KCNQ3: variants seen among roughly 807,000 people sequenced by gnomAD.
KCNQ3 encodes the protein potassium voltage-gated channel subfamily KQT member 3.
In KCNQ3, 30 loss-of-function variants were observed where a neutral mutation model predicts 92.5. The observed-to-expected ratio is 0.32, with a 90% CI of 0.24 to 0.44. KCNQ3 has a LOEUF of 0.44. Ranked by LOEUF, KCNQ3 falls within the 20% of genes least tolerant of loss-of-function variation. KCNQ3 has a pLI of 1.00. For synonymous variants in KCNQ3, 450 were observed against 468.8 expected (o/e 0.96, Z 0.52); for missense variants, 913 against 1,140.3 (o/e 0.80, Z 2.87).
intron 1 of KCNQ3, among the ~76,000 whole-genome samples, chr8:132,225,062 C>A (rs951874091): frequency 2.0e-5 from 3 of 152,260 alleles, no homozygotes; most frequent in East Asian, 1.9e-4. Context: ...ATAGACCCAC[C>A]AGTTTGTCCC....
intron 1 of KCNQ3, among the ~76,000 whole-genome samples, chr8:132,218,061 A>G (rs1180495763): frequency 2.6e-5 from 4 of 152,178 alleles, no homozygotes; most frequent in African/African-American, 9.7e-5. Context: ...TTGCAAAATG[A>G]GCTTTATCCC....
chr8:132,439,977 C>T (rs1408920914), intron 1 of KCNQ3, among the ~76,000 whole-genome samples: 1 of 152,208 alleles, frequency 6.6e-6, no homozygotes, highest in Admixed American at 6.5e-5. Context: ...ATCCCAGATG[C>T]TCAATCCTTA....
chr8:132,131,300 A>G (rs1299601890), intron 14 of KCNQ3, among the ~76,000 whole-genome samples: 1 of 152,236 alleles, frequency 6.6e-6, no homozygotes. Context: ...AAAAACTGGC[A>G]GTACCATTTA....
intron 1 of KCNQ3, chr8:132,447,130 C>A (rs1821699038): frequency 2.2e-6 from 3 of 1,340,650 alleles, no homozygotes; most frequent in Non-Finnish European, 3.1e-6. Context: ...TTTCCCTCTC[C>A]CCCTGGGACT....
chr8:132,311,379 C>CG lies in KCNQ3; in HGVS notation c.387-125199_387-125198insC, dbSNP rs1817587390. Among the ~76,000 whole-genome samples the CG allele has an allele frequency of 0.011, 3 of 272 alleles. No individual in the cohort carries two copies. In the South Asian group the frequency reaches 0.38, roughly 34 times the overall value. 0.2% of individuals were successfully genotyped at this position (272 alleles called of 152,430 possible). A position where few individuals can be genotyped will look rare whatever the true frequency, so the allele number is the denominator to read the frequency against. On this transcript the variant is annotated intron_variant, in intron 1 of 14. Coordinates refer to ENST00000388996, the MANE Select transcript of KCNQ3 (RefSeq NM_004519.4). ...TTTAGAAACTGAGAAAAGAGATTGT[C>CG]CCGTTTACTAATTTATTGTAAAAGT...
At chr8:132,186,511 A>G in intron 1 of KCNQ3, 2 of 372,402 alleles carry the variant, frequency 5.4e-6, no homozygotes, top group Non-Finnish European at 5.2e-6. Flanking sequence ...AGTCAAGACA[A>G]CTTTTCACAA....
At chr8:132,293,394 T>C (rs1295757433) in intron 1 of KCNQ3, among the ~76,000 whole-genome samples, 1 of 152,128 alleles carries the variant, frequency 6.6e-6, no homozygotes, top group African/African-American at 2.4e-5. Flanking sequence ...GGTGTCAGAA[T>C]TGATTTGGGG....
chr8:132,184,072 G>A (rs1826878079), intron 3 of KCNQ3, among the ~76,000 whole-genome samples, 169 bp downstream of exon 3: 2 of 152,192 alleles, frequency 1.3e-5, no homozygotes, highest in Admixed American at 1.3e-4. Flanking sequence ...GGAATTTGAG[G>A]ACCCAGAAGG....
At chr8:132,198,032 C>G (rs935657128) in intron 1 of KCNQ3, among the ~76,000 whole-genome samples, 1 of 152,188 alleles carries the variant, frequency 6.6e-6, no homozygotes, top group African/African-American at 2.4e-5. Context: ...GGGACCTGTG[C>G]TTTGTTTCCA....
chr8:132,329,948 C>T (rs1818183346), intron 1 of KCNQ3, among the ~76,000 whole-genome samples: 1 of 152,024 alleles, frequency 6.6e-6, no homozygotes, highest in African/African-American at 2.4e-5. Context: ...GAATGGTGGC[C>T]CCCAAAATAT....
At chr8:132,277,553 T>A (rs983274403) in intron 1 of KCNQ3, among the ~76,000 whole-genome samples, 17 of 152,200 alleles carry the variant, frequency 1.1e-4, no homozygotes, top group Non-Finnish European at 1.9e-4. Flanking sequence ...GAAGACCGGC[T>A]GGGGAGACAG....
Position 132,303,565 on chromosome 8 carries a change from G to GATAT in KCNQ3, c.387-117388_387-117385dup, listed in dbSNP as rs781058299. On this transcript the variant is annotated intron_variant, in intron 1 of 14. Transcript: ENST00000388996. ...ACTTGTGATCAGATAAAGAAAATGTGATATATATATATATGGTGTGTGTGT... is the reference window on the plus strand; with the variant it reads ...ACTTGTGATCAGATAAAGAAAATGTGATATATATATATATATATGGTGTGTGTGT... Among the ~76,000 whole-genome samples the GATAT allele has an allele frequency of 4.2e-3, 177 of 42,566 alleles. 49 individuals are homozygous for GATAT. In the South Asian group the frequency reaches 0.062, roughly 15 times the overall value. The allele number at this position is 42,566 out of a possible 152,430, so 27.9% of individuals were successfully genotyped here.
At chr8:132,405,478 C>T (rs1170926190) in intron 1 of KCNQ3, among the ~76,000 whole-genome samples, 1 of 152,220 alleles carries the variant, frequency 6.6e-6, no homozygotes, top group Admixed American at 6.5e-5. Flanking sequence ...TGCTAGGGCT[C>T]ATTTCCCTAA....
intron 1 of KCNQ3, among the ~76,000 whole-genome samples, chr8:132,424,966 C>G (rs867820079): frequency 2.0e-5 from 3 of 152,212 alleles, no homozygotes; most frequent in African/African-American, 7.2e-5. Context: ...AAGTTCATAT[C>G]CACGGGTTCC....
chr8:132,473,511 T>C (rs893175814), intron 1 of KCNQ3, among the ~76,000 whole-genome samples: 1 of 152,216 alleles, frequency 6.6e-6, no homozygotes, highest in African/African-American at 2.4e-5. Flanking sequence ...TTTATTTATT[T>C]CTATATCCCT....
intron 1 of KCNQ3, among the ~76,000 whole-genome samples, chr8:132,301,217 C>G (rs1286457651): frequency 1.3e-5 from 2 of 152,118 alleles, no homozygotes; most frequent in African/African-American, 2.4e-5. Flanking sequence ...CTCTGAATAA[C>G]TTCTCCACAC....
At chr8:132,260,688 A>G (rs1352377183) in intron 1 of KCNQ3, among the ~76,000 whole-genome samples, 1 of 152,130 alleles carries the variant, frequency 6.6e-6, no homozygotes, top group African/African-American at 2.4e-5. Flanking sequence ...AGCAGCTGAA[A>G]TTAAGTGTTC....
intron 7 of KCNQ3, 149 bp from the exon 8 acceptor site, chr8:132,170,577 G>A: frequency 1.5e-6 from 1 of 650,094 alleles, no homozygotes; most frequent in Non-Finnish European, 2.7e-6. Context: ...CGAGATTCTT[G>A]GCTTTTTGAA....
intron 1 of KCNQ3, 60 bp from the exon 2 acceptor site, chr8:132,186,241 A>G: frequency 8.3e-7 from 1 of 1,204,438 alleles, no homozygotes; most frequent in Non-Finnish European, 1.2e-6. Context: ...CTTTGAGGCT[A>G]AGATGGGGAA....
Sources: gnomAD v4.1 joint callset for allele counts (sites outside exome capture counted in the v4.1 genomes callset) on GRCh38, gnomAD v4.1.1 for gene constraint, MANE v1.5 for transcripts, NCBI Gene and HGNC (gene_info 2026-07-23, HGNC 2026-07-21) for gene names.